SLC19A1: variants seen among roughly 807,000 people sequenced by gnomAD.
SLC19A1 encodes the protein solute carrier family 19 member 1.
A neutral mutation model predicts 35.3 loss-of-function variants in SLC19A1; 37 were observed. That is an observed-to-expected ratio of 1.05 (90% confidence interval 0.81 to 1.38). The LOEUF (loss-of-function observed/expected upper bound fraction) is 1.38. Among genes scored for constraint, SLC19A1 ranks in the 40% most tolerant of loss-of-function variants. The probability of loss-of-function intolerance (pLI) is 0.00; values close to 1 mark genes in which losing one functional copy is unlikely to be tolerated. For missense variants in SLC19A1, 831 were observed against 826.9 expected, an observed-to-expected ratio of 1.00 and a Z score of -0.06; for synonymous variants, 460 against 398.5, an observed-to-expected ratio of 1.15 and a Z score of -1.84.
chr21:45,511,090 T>TACACATAC, downstream of SLC19A1: 7 of 1,171,656 alleles, frequency 6.0e-6, no homozygotes, highest in Non-Finnish European at 8.5e-6. Flanking sequence ...CACACACACA[T>TACACATAC]ACACACGGTT....
At chr21:45,537,727 C>A in intron 2 of SLC19A1, 44 bp downstream of exon 2, 2 of 207,350 alleles carry the variant, frequency 9.6e-6, no homozygotes, top group East Asian at 1.6e-4. Flanking sequence ...GCTCCCCGCC[C>A]ACCCACCCAC....
chr21:45,504,162 G>A lies in SLC19A1; in HGVS notation c.498-5550C>T, dbSNP rs1312463555. The A allele has an allele frequency of 3.1e-6, 4 of 1,294,782 alleles. No homozygotes were observed. In the African/African-American group the frequency reaches 5.8e-5, roughly 19 times the overall value. The allele number at this position is 1,294,782 out of a possible 1,614,324, so 80.2% of individuals were successfully genotyped here. On this transcript the variant is annotated intron_variant, in intron 3 of 4. Coordinates refer to the SLC19A1 transcript ENST00000417954. Reference sequence around the variant, plus strand: ...CCGGCCCAAGCCCCCTTCCTGTTCAGCCCTGCGAGGGGCGCTGGCTCCAGA... The same window carrying A: ...CCGGCCCAAGCCCCCTTCCTGTTCAACCCTGCGAGGGGCGCTGGCTCCAGA...
chr21:45,535,229 C>T (rs898815238), intron 2 of SLC19A1, among the ~76,000 whole-genome samples: 2 of 152,196 alleles, frequency 1.3e-5, no homozygotes, highest in East Asian at 1.9e-4. Context: ...ACAGTTCCAG[C>T]GGGGGCCCAG....
chr21:45,520,465 CCTA>C (rs1480659471), intron 5 of SLC19A1, among the ~76,000 whole-genome samples: 1 of 152,168 alleles, frequency 6.6e-6, no homozygotes, highest in African/African-American at 2.4e-5. Context: ...GGAAAAGCCT[CCTA>C]CAACAAATAA....
chr21:45,515,561 C>G lies in SLC19A1; in HGVS notation c.*97G>C, dbSNP rs1038042861. 129 of 1,568,050 alleles carry G rather than the reference C, an allele frequency of 8.2e-5. No homozygotes were observed. Among genetic ancestry groups the G allele is most frequent in the Non-Finnish European group, 1.1e-4 (129 of 1,166,598 alleles). ...CTAGGGGGCCTGCTAGCAGGATAAG[C>G]GGAGGCCCCCATTGCTAAGGCAGGC... On this transcript the variant is annotated 3_prime_UTR_variant, in exon 6 of 6. Coordinates refer to ENST00000311124, the MANE Select transcript of SLC19A1 (RefSeq NM_194255.4).
chr21:45,551,537 A>C (rs1168013734), intron 1 of SLC19A1, among the ~76,000 whole-genome samples: 1 of 152,042 alleles, frequency 6.6e-6, no homozygotes, highest in African/African-American at 2.4e-5. Flanking sequence ...TTCCTCTTGG[A>C]CTCATGACTC....
At chr21:45,550,515 A>G (rs372824345) in intron 1 of SLC19A1, among the ~76,000 whole-genome samples, 1 of 152,192 alleles carries the variant, frequency 6.6e-6, no homozygotes, top group African/African-American at 2.4e-5. Flanking sequence ...TCCAGAATGG[A>G]ACTGCATGAA....
downstream of SLC19A1, chr21:45,511,076 A>AC (rs202035407): frequency 3.9e-4 from 366 of 930,150 alleles, 1 homozygote; most frequent in East Asian, 8.9e-3. Flanking sequence ...ACACCCCCAC[A>AC]CACCACACAC....
downstream of SLC19A1, among the ~76,000 whole-genome samples, chr21:45,510,946 C>CACACAT (rs1555876664): frequency 5.2e-5 from 3 of 57,382 alleles, no homozygotes; most frequent in African/African-American, 2.9e-4. Flanking sequence ...AAAACACACA[C>CACACAT]CCACAACACC....
In SLC19A1 at chr21:45,514,189, A is replaced by G. The variant is rs1270504131; in HGVS notation, c.*1469T>C. Reference sequence around the variant, plus strand: ...CCCCAGTGACGCTCTAGCCCATGGCACAGGCCCAGCCCACCTCCACCCATC... The same window carrying G: ...CCCCAGTGACGCTCTAGCCCATGGCGCAGGCCCAGCCCACCTCCACCCATC... On this transcript the variant is annotated 3_prime_UTR_variant, in exon 6 of 6. Coordinates refer to ENST00000311124, the MANE Select transcript of SLC19A1 (RefSeq NM_194255.4). 2 of 152,130 alleles carry G rather than the reference A, an allele frequency of 1.3e-5. No individual in the cohort carries two copies. Among genetic ancestry groups the G allele is most frequent in the Non-Finnish European group, 2.9e-5 (2 of 68,118 alleles). 9.4% of individuals were successfully genotyped at this position (152,130 alleles called of 1,614,324 possible). A position where few individuals can be genotyped will look rare whatever the true frequency, so the allele number is the denominator to read the frequency against.
At chr21:45,558,807 T>C (rs1459159369) in intron 1 of SLC19A1, among the ~76,000 whole-genome samples, 1 of 35,970 alleles carries the variant, frequency 2.8e-5, no homozygotes, top group Non-Finnish European at 5.1e-5. Flanking sequence ...TTTCTTTTTC[T>C]TTTTTCTTTT....
chr21:45,528,175 G>A (rs915761053), intron 4 of SLC19A1, among the ~76,000 whole-genome samples: 23 of 151,968 alleles, frequency 1.5e-4, no homozygotes, highest in Admixed American at 6.6e-4. Flanking sequence ...GTGGGATGAA[G>A]GGCAGACGAA....
intron 3 of SLC19A1, chr21:45,506,136 C>A: frequency 1.9e-6 from 2 of 1,062,118 alleles, no homozygotes; most frequent in Non-Finnish European, 2.8e-6. Flanking sequence ...CTTTTGTGAG[C>A]AGTTTTGGGT....
At chr21:45,538,066 C>A in intron 1 of SLC19A1, 58 bp from the exon 2 acceptor site, 1 of 1,063,038 alleles carries the variant, frequency 9.4e-7, no homozygotes, top group Non-Finnish European at 1.3e-6. Flanking sequence ...CCTCCCTACC[C>A]CGCAAAACGA....
At chr21:45,555,435 T>C (rs1602958070) in intron 1 of SLC19A1, among the ~76,000 whole-genome samples, 1 of 59,466 alleles carries the variant, frequency 1.7e-5, no homozygotes, top group Non-Finnish European at 3.2e-5. Context: ...GTGGGGGGTG[T>C]TGGGGGCGGG....
rs758668242 is a variant in SLC19A1 at position 45,516,033 on chromosome 21, G to C, written c.1401C>G (p.Pro467=). 1 of 1,579,566 alleles carries C rather than the reference G, an allele frequency of 6.3e-7. No individual in the cohort carries two copies. Among genetic ancestry groups the C allele is most frequent in the Non-Finnish European group, 8.6e-7 (1 of 1,164,356 alleles). The change falls in exon 6 of 6, where the codon CCC becomes CCG. Residue 467 remains proline, a synonymous_variant. Coordinates refer to ENST00000311124, the MANE Select transcript of SLC19A1 (RefSeq NM_194255.4). ...CGGCACTCCTCAGGCCCTGGGCCGG[G>C]GGCTGCCGCGGGTGGTGGCCCCGCT... The part of the protein sequence containing the change: ...HCQRGHHPRQ[P]PAQGLRSAAE...
In SLC19A1 at chr21:45,517,365, C is replaced by CT. The variant is rs1280647794; in HGVS notation, c.1294-1226_1294-1225insA. On this transcript the variant is annotated intron_variant, in intron 5 of 5. Transcript: ENST00000311124. This position sits in a 1 kb window ranked among gnomAD's most constrained non-coding sequence, Gnocchi z 4.4. ...ACCCACCATGTCAGCAAGGACCCCC[C>CT]ACCCTCGCCAGCCTGTAACAAGGAC... Among the ~76,000 whole-genome samples, 12 of 151,952 alleles carry CT rather than the reference C, an allele frequency of 7.9e-5. No individual in the cohort carries two copies. The highest frequency in any genetic ancestry group is 1.3e-4 in the Non-Finnish European group (9 of 67,958).
chr21:45,512,225 G>A (rs1085307935), downstream of SLC19A1: 6 of 1,612,406 alleles, frequency 3.7e-6, no homozygotes, highest in South Asian at 1.1e-5. Flanking sequence ...GGACCCCAAC[G>A]GGCGCAGGCT....
Position 45,515,971 on chromosome 21 carries a change from T to C in SLC19A1, c.1463A>G (p.Asp488Gly), listed in dbSNP as rs1431096269. ...TGGCTGCAGGCCTCCGAGGCCCTTG[T>C]CCTGCACGCTCAGTGCCTGTGCTGC... ...EKAAQALSVQ[D>G]KGLGGLQPAQ... Residue 488 changes from aspartate to glycine, a missense_variant, in exon 6 of 6, where the codon GAC becomes GGC. Asp to Gly is a moderately conservative substitution (Grantham distance 94). Coordinates refer to ENST00000311124, the MANE Select transcript of SLC19A1 (RefSeq NM_194255.4). 6.4e-7 allele frequency: 1 copy of C among 1,551,526 alleles called. No homozygotes were observed. The highest frequency in any genetic ancestry group is 8.7e-7 in the Non-Finnish European group (1 of 1,148,812).
Sources: allele counts gnomAD v4.1 joint callset (sites outside exome capture counted in the v4.1 genomes callset), GRCh38; gene constraint gnomAD v4.1.1; non-coding constraint Gnocchi (gnomAD v3.1); transcripts MANE v1.5; gene names NCBI Gene and HGNC (gene_info 2026-07-23, HGNC 2026-07-21).